TSPAN5: variants seen among roughly 807,000 people sequenced by gnomAD.
The protein encoded by TSPAN5 is tetraspanin 5, also known as tetraspanin-5.
TSPAN5 carries 10 observed loss-of-function variants against 37.1 expected under a neutral mutation model. The observed-to-expected ratio is 0.27, with a 90% CI of 0.17 to 0.46. The LOEUF (loss-of-function observed/expected upper bound fraction) is 0.46, where lower values mean the gene tolerates loss of function less well. Ranked by LOEUF, TSPAN5 falls within the 20% of genes least tolerant of loss-of-function variation. TSPAN5 has a pLI of 1.00. For synonymous variants in TSPAN5, 110 were observed against 118.9 expected, an observed-to-expected ratio of 0.93 and a Z score of 0.48; for missense variants, 195 against 326.6, an observed-to-expected ratio of 0.60 and a Z score of 3.11.
chr4:98,621,791 C>T (rs988719884), intron 1 of TSPAN5, among the ~76,000 whole-genome samples: 16 of 151,216 alleles, frequency 1.1e-4, no homozygotes, highest in East Asian at 3.9e-4. Context: ...CATTCCCACC[C>T]CCCCCGCAGC....
intron 1 of TSPAN5, among the ~76,000 whole-genome samples, chr4:98,565,005 C>T (rs774860276): frequency 6.6e-5 from 10 of 152,162 alleles, no homozygotes; most frequent in Non-Finnish European, 2.9e-5. Context: ...CTCCCTCACA[C>T]GTCACAGGCC....
intron 2 of TSPAN5, among the ~76,000 whole-genome samples, chr4:98,491,010 C>T (rs1008797254): frequency 1.3e-4 from 19 of 151,584 alleles, no homozygotes; most frequent in African/African-American, 4.1e-4. Flanking sequence ...TGCAGTGAGC[C>T]GATATCGCAC....
intron 1 of TSPAN5, among the ~76,000 whole-genome samples, chr4:98,634,473 T>C (rs1236187252): frequency 1.3e-5 from 2 of 152,264 alleles, no homozygotes; most frequent in Non-Finnish European, 2.9e-5. Flanking sequence ...CACAAAAATG[T>C]ACTTTTTCCC....
chr4:98,565,276 C>CA (rs1754977618), intron 1 of TSPAN5, among the ~76,000 whole-genome samples: 1 of 152,080 alleles, frequency 6.6e-6, no homozygotes, highest in South Asian at 2.1e-4. Context: ...GTCCACATGT[C>CA]AGTTAAATTT....
intron 2 of TSPAN5, among the ~76,000 whole-genome samples, chr4:98,487,931 G>T (rs1318587617): frequency 2.0e-5 from 3 of 151,672 alleles, no homozygotes; most frequent in Non-Finnish European, 4.4e-5. Context: ...GATGTGCATG[G>T]GCCTTAAACA....
intron 1 of TSPAN5, among the ~76,000 whole-genome samples, chr4:98,614,491 A>G (rs1756273205): frequency 6.6e-6 from 1 of 152,162 alleles, no homozygotes; most frequent in African/African-American, 2.4e-5. Flanking sequence ...AAGTGAACAT[A>G]TGACCCAGAA....
intron 1 of TSPAN5, among the ~76,000 whole-genome samples, chr4:98,615,667 C>G (rs1756309256): frequency 6.6e-6 from 1 of 152,050 alleles, no homozygotes; most frequent in South Asian, 2.1e-4. Context: ...CTAAAAATAC[C>G]AAAATTAGCA....
In TSPAN5 at chr4:98,658,320, A is replaced by C. The variant is rs571745239; in HGVS notation, c.-94T>G. 9.5e-7 allele frequency: 1 copy of C among 1,049,288 alleles called. No individual in the cohort carries two copies. The highest frequency in any genetic ancestry group is 1.6e-5 in the African/African-American group (1 of 63,764). 65.0% of individuals were successfully genotyped at this position (1,049,288 alleles called of 1,614,324 possible). On this transcript the variant is annotated 5_prime_UTR_variant, in exon 1 of 8. Coordinates refer to ENST00000305798, the MANE Select transcript of TSPAN5 (RefSeq NM_005723.4). ...GCAGCCCGGCGGGGAGCAGGAGCTCAGGGACACCGCACGGGGCCGCGGCGC... is the reference window on the plus strand; with the variant it reads ...GCAGCCCGGCGGGGAGCAGGAGCTCCGGGACACCGCACGGGGCCGCGGCGC...
At chr4:98,655,515 T>A (rs1419524988) in intron 1 of TSPAN5, among the ~76,000 whole-genome samples, 1 of 152,254 alleles carries the variant, frequency 6.6e-6, no homozygotes, top group Non-Finnish European at 1.5e-5. Flanking sequence ...TGCCACCATA[T>A]GTTCAATTTT....
chr4:98,653,254 C>A (rs990062827), intron 1 of TSPAN5, among the ~76,000 whole-genome samples: 1 of 151,980 alleles, frequency 6.6e-6, no homozygotes, highest in African/African-American at 2.4e-5. Flanking sequence ...CTTGATGCCC[C>A]CCCTCCCCCA....
At chr4:98,651,602 T>C (rs535895197) in intron 1 of TSPAN5, among the ~76,000 whole-genome samples, 21 of 152,322 alleles carry the variant, frequency 1.4e-4, no homozygotes, top group African/African-American at 5.1e-4. Flanking sequence ...AGGTTCTCTA[T>C]ACTACTTGCA....
intron 2 of TSPAN5, among the ~76,000 whole-genome samples, chr4:98,494,438 T>C (rs554607152): frequency 4.3e-4 from 50 of 116,660 alleles, no homozygotes; most frequent in African/African-American, 1.6e-3. Flanking sequence ...GCAGATGAAG[T>C]AACCTGCCTA....
At position 98,658,582 on chromosome 4, in the gene TSPAN5, G is replaced by C. The variant is rs1051289890; in HGVS notation, c.-356C>G. 5.7e-5 allele frequency: 9 copies of C among 159,032 alleles called. No individual in the cohort carries two copies. In the South Asian group the frequency reaches 1.8e-3, roughly 32 times the overall value. 9.9% of individuals were successfully genotyped at this position (159,032 alleles called of 1,614,324 possible). On this transcript the variant is annotated 5_prime_UTR_variant, in exon 1 of 8. Coordinates refer to ENST00000305798, the MANE Select transcript of TSPAN5 (RefSeq NM_005723.4). ...CCGGGCTTCGGGCAAAGGCGGCCGC[G>C]GCAGATGCTGGTGGAGACGCCGCTC...
In TSPAN5 at chr4:98,611,878, G is replaced by T. The variant is rs575765348; in HGVS notation, c.81+46268C>A. Among the ~76,000 whole-genome samples, 10 of 152,372 alleles carry T rather than the reference G, an allele frequency of 6.6e-5. No individual in the cohort carries two copies. The South Asian group carries it at 2.1e-3, about 32-fold the overall frequency. On this transcript the variant is annotated intron_variant, in intron 1 of 7. Transcript: ENST00000305798. ...CTGACCCAGCTCCATCCCCTGGCCT[G>T]GGCCGTGGAGGGTGGCGAGTGGGCT...
At chr4:98,489,802 A>T (rs1202234934) in intron 2 of TSPAN5, among the ~76,000 whole-genome samples, 2 of 151,168 alleles carry the variant, frequency 1.3e-5, no homozygotes, top group Non-Finnish European at 2.9e-5. Context: ...CCAAGATTCC[A>T]TTCCTTGGAA....
intron 1 of TSPAN5, among the ~76,000 whole-genome samples, chr4:98,631,138 C>G (rs1756736593): frequency 6.6e-6 from 1 of 152,176 alleles, no homozygotes; most frequent in Admixed American, 6.5e-5. Context: ...AGATATTTAA[C>G]AATTAGAGAA....
intron 1 of TSPAN5, among the ~76,000 whole-genome samples, chr4:98,636,472 G>A (rs1756858364): frequency 1.3e-5 from 2 of 152,202 alleles, no homozygotes; most frequent in South Asian, 4.1e-4. Flanking sequence ...AGGGGAGTAT[G>A]ACATAATCAG....
intron 2 of TSPAN5, among the ~76,000 whole-genome samples, chr4:98,491,685 T>TA (rs33967393): frequency 1.4e-4 from 19 of 138,988 alleles, no homozygotes; most frequent in East Asian, 4.3e-4. Context: ...AGACTCTGTC[T>TA]AAAAAAAAAA....
chr4:98,639,466 C>A (rs1222046339), intron 1 of TSPAN5, among the ~76,000 whole-genome samples: 1 of 151,522 alleles, frequency 6.6e-6, no homozygotes, highest in Non-Finnish European at 1.5e-5. Flanking sequence ...AACAGGCACA[C>A]CCCACTGTGA....
Sources: gnomAD v4.1 joint callset for allele counts (sites outside exome capture counted in the v4.1 genomes callset) on GRCh38, gnomAD v4.1.1 for gene constraint, MANE v1.5 for transcripts, NCBI Gene and HGNC (gene_info 2026-07-23, HGNC 2026-07-21) for gene names.